The following ESYT3 variants were observed in gnomAD, a reference collection of about 807,000 sequenced individuals.
ESYT3 encodes the protein extended synaptotagmin 3.
In ESYT3, 101 loss-of-function variants were observed where a neutral mutation model predicts 111.5. That is an observed-to-expected ratio of 0.91 (90% CI 0.77 to 1.07). The LOEUF is 1.07. Ranked by LOEUF, ESYT3 falls within the 50% of genes least tolerant of loss-of-function variation. ESYT3 has a pLI of 0.00. For synonymous variants in ESYT3, 416 were observed against 446.8 expected (o/e 0.93, Z 0.87); for missense variants, 1,097 against 1,109.4 (o/e 0.99, Z 0.16).
intron 4 of ESYT3, among the ~76,000 whole-genome samples, chr3:138,458,736 C>A (rs989310422): frequency 3.9e-5 from 6 of 152,230 alleles, no homozygotes; most frequent in African/African-American, 1.4e-4. Flanking sequence ...CCAGCCCCAG[C>A]AGCACCTGGG....
chr3:138,454,401 T>C (rs1252212888), intron 2 of ESYT3, among the ~76,000 whole-genome samples: 1 of 151,766 alleles, frequency 6.6e-6, no homozygotes, highest in Non-Finnish European at 1.5e-5. Context: ...AATTAAAAAT[T>C]AAAAAAATTC....
In ESYT3 at chr3:138,462,469, A is replaced by G. The variant is rs1443859482; in HGVS notation, c.915+263A>G. On this transcript the variant is annotated intron_variant, in intron 8 of 22. Transcript: ENST00000389567. ...CTGTTTGTGACAACTGACCATGAAT[A>G]TTTACATTGACTTGTTTCATTCTGG... The G allele has an allele frequency of 5.4e-6, 3 of 552,734 alleles. No individual in the cohort carries two copies. In the African/African-American group the frequency reaches 5.6e-5, roughly 10 times the overall value. The allele number at this position is 552,734 out of a possible 1,614,324, so 34.2% of individuals were successfully genotyped here.
At chr3:138,470,580 T>C in intron 16 of ESYT3, 1 of 1,183,788 alleles carries the variant, frequency 8.4e-7, no homozygotes, top group Non-Finnish European at 1.0e-6. Flanking sequence ...TTTAGGGCCC[T>C]GAGCCCTGCC....
At chr3:138,454,013 A>G (rs776726047) in intron 2 of ESYT3, among the ~76,000 whole-genome samples, 13 of 152,238 alleles carry the variant, frequency 8.5e-5, no homozygotes, top group Non-Finnish European at 1.6e-4. Flanking sequence ...GCACTCAGCA[A>G]TGACACGTCT....
At chr3:138,468,237 G>A (rs775202699) in intron 12 of ESYT3, 43 bp downstream of exon 12, 3 of 1,574,580 alleles carry the variant, frequency 1.9e-6, no homozygotes, top group South Asian at 1.1e-5. Context: ...AAAGGTGGAG[G>A]AGCACACGTG....
chr3:138,456,980 T>G (rs1448024423), intron 3 of ESYT3, among the ~76,000 whole-genome samples: 1 of 152,086 alleles, frequency 6.6e-6, no homozygotes, highest in African/African-American at 2.4e-5. Flanking sequence ...ACTCTTCATG[T>G]CCTGGCCACC....
chr3:138,459,208 C>A lies in ESYT3; in HGVS notation c.603C>A (p.Ile201=). The part of the protein sequence containing the change: ...LQICYIGDCE[I]SVELQKIQAG... ...TCAGCTACATCGGGGACTGTGAGATCAGTGTGGAGCTGCAGAAGATTCAGG... is the reference window on the plus strand; with the variant it reads ...TCAGCTACATCGGGGACTGTGAGATAAGTGTGGAGCTGCAGAAGATTCAGG... Residue 201 remains isoleucine, a synonymous_variant, in exon 5 of 23, where the codon ATC becomes ATA. Transcript: ENST00000389567. 1.3e-6 allele frequency: 2 copies of A among 1,537,220 alleles called. No homozygotes were observed. Among genetic ancestry groups the A allele is most frequent in the Non-Finnish European group, 1.8e-6 (2 of 1,132,706 alleles).
At chr3:138,462,280 G>T in intron 8 of ESYT3, 74 bp downstream of exon 8, 1 of 1,597,880 alleles carries the variant, frequency 6.3e-7, no homozygotes, top group Non-Finnish European at 8.6e-7. Flanking sequence ...TTCACATGTG[G>T]TGCATTGGCT....
At position 138,464,345 on chromosome 3, in the gene ESYT3, G is replaced by C. The variant is rs150411096; in HGVS notation, c.916G>C (p.Gly306Arg). The C allele has an allele frequency of 2.2e-3, 3,617 of 1,613,982 alleles. 6 individuals are homozygous for C. Among genetic ancestry groups the C allele is most frequent in the Non-Finnish European group, 2.4e-3 (2,818 of 1,179,914 alleles). ...LTNLRFPLPCGVIRVHLLEAE... is the reference protein window; with the variant it reads ...LTNLRFPLPCRVIRVHLLEAE... ...AGCCCTGGGCTTGGACATTTTCCAG[G>C]GGGTGATCAGAGTGCACTTGCTGGA... The change falls in exon 9 of 23, where the codon GGG (glycine) becomes CGG (arginine). Residue 306 changes from glycine (G) to arginine (R), a missense_variant and splice_region_variant. Gly to Arg is a moderately radical substitution (Grantham distance 125). Transcript: ENST00000389567.
chr3:138,460,114 A>G, intron 6 of ESYT3, 80 bp downstream of exon 6: 1 of 1,298,290 alleles, frequency 7.7e-7, no homozygotes, highest in Non-Finnish European at 1.1e-6. Flanking sequence ...ATTGGGTTTG[A>G]GTCCAAGAAT....
Position 138,452,058 on chromosome 3 carries a change from C to T in ESYT3, c.338C>T (p.Pro113Leu), listed in dbSNP as rs760693565. 16 of 1,606,684 alleles carry T rather than the reference C, an allele frequency of 1.0e-5. No individual in the cohort carries two copies. The highest frequency in any genetic ancestry group is 1.3e-5 in the Non-Finnish European group (15 of 1,179,736). ...GGGCTTCTTTCCTAGATCCACTTCCCGGACGTGGAGCGGGTCGAGTGGGCC... is the reference window on the plus strand; with the variant it reads ...GGGCTTCTTTCCTAGATCCACTTCCTGGACGTGGAGCGGGTCGAGTGGGCC... ...GQHLPAWIHF[P>L]DVERVEWANK... Residue 113 changes from proline to leucine, a missense_variant, in exon 2 of 23, where the codon CCG (proline) becomes CTG (leucine). Pro to Leu is a moderately conservative substitution (Grantham distance 98). Transcript: ENST00000389567.
intron 1 of ESYT3, among the ~76,000 whole-genome samples, chr3:138,450,296 G>A (rs1241684735): frequency 6.6e-6 from 1 of 152,188 alleles, no homozygotes; most frequent in Admixed American, 6.5e-5. Context: ...AGGAAGAAAC[G>A]GAAAGGTCTT....
chr3:138,448,939 C>A (rs1223929745), intron 1 of ESYT3, among the ~76,000 whole-genome samples: 3 of 151,958 alleles, frequency 2.0e-5, no homozygotes, highest in Admixed American at 1.3e-4. Flanking sequence ...TGAATTGTTG[C>A]TTTCTTCATG....
rs112150169 is a variant in ESYT3, at chr3:138,448,474, A to ATT, written c.328-3565_328-3564dup. On this transcript the variant is annotated intron_variant, in intron 1 of 22. Transcript: ENST00000389567. Reference sequence around the variant, plus strand: ...TTCCCAAGTCAAGGAAAAAGATGCAATTTTTTTTTTATGTGTTGGTTGAAA... The same window carrying ATT: ...TTCCCAAGTCAAGGAAAAAGATGCAATTTTTTTTTTTTATGTGTTGGTTGAAA... Among the ~76,000 whole-genome samples the ATT allele has an allele frequency of 9.9e-3, 1,475 of 149,118 alleles. 27 individuals carry two copies. Among genetic ancestry groups the ATT allele is most frequent in the African/African-American group, 0.034 (1,397 of 40,708 alleles).
rs146252852 is a variant in ESYT3 at position 138,455,687 on chromosome 3, G to A, written c.504+359G>A. Among the ~76,000 whole-genome samples, 141 of 152,326 alleles carry A rather than the reference G, an allele frequency of 9.3e-4. 3 individuals carry two copies. Among genetic ancestry groups the A allele is most frequent in the African/African-American group, 3.1e-3 (130 of 41,572 alleles). ...AATCATAGTTGCTAACCTCAGAGCC[G>A]GTGAACACACGCTCACAGTTTGGAT... On this transcript the variant is annotated intron_variant, in intron 3 of 22. Transcript: ENST00000389567.
chr3:138,449,177 A>G (rs2031767809), intron 1 of ESYT3, among the ~76,000 whole-genome samples: 1 of 142,570 alleles, frequency 7.0e-6, no homozygotes, highest in Admixed American at 7.5e-5. Flanking sequence ...CTGTGCCTCC[A>G]GGGTTCAAGC....
chr3:138,466,913 C>T (rs2032955885), intron 10 of ESYT3, among the ~76,000 whole-genome samples: 1 of 152,068 alleles, frequency 6.6e-6, no homozygotes, highest in Non-Finnish European at 1.5e-5. Context: ...TTTTAACAAC[C>T]AGATCTTGCA....
intron 6 of ESYT3, 39 bp from the exon 7 acceptor site, chr3:138,460,572 A>G (rs1194177911): frequency 6.2e-7 from 1 of 1,612,326 alleles, no homozygotes; most frequent in East Asian, 2.2e-5. Flanking sequence ...CTGGGCTCCC[A>G]ACCCTTTCCA....
chr3:138,452,032 G>A lies in ESYT3; in HGVS notation c.328-16G>A, dbSNP rs770859872. 2 of 1,613,474 alleles carry A rather than the reference G, an allele frequency of 1.2e-6. No individual in the cohort carries two copies. The highest frequency in any genetic ancestry group is 1.7e-6 in the Non-Finnish European group (2 of 1,179,862). ...GCGGCTTCTAGTCTAACTTCCCCTC[G>A]GGGCTTCTTTCCTAGATCCACTTCC... On this transcript the variant is annotated splice_polypyrimidine_tract_variant and intron_variant, in intron 1 of 22. Transcript: ENST00000389567.
Sources: gnomAD v4.1 joint callset for allele counts (sites outside exome capture counted in the v4.1 genomes callset) on GRCh38, gnomAD v4.1.1 for gene constraint, MANE v1.5 for transcripts, NCBI Gene and HGNC (gene_info 2026-07-23, HGNC 2026-07-21) for gene names.